The following CLEC16A variants were observed in gnomAD, a reference collection of about 807,000 sequenced individuals.
The protein encoded by CLEC16A is C-type lectin domain containing 16A.
A neutral mutation model predicts 109.5 loss-of-function variants in CLEC16A; 51 were observed. The observed-to-expected ratio is 0.47, with a 90% confidence interval of 0.37 to 0.59. The LOEUF (loss-of-function observed/expected upper bound fraction) is 0.59. Among genes scored for constraint, CLEC16A ranks in the 20% least tolerant of loss-of-function variants. CLEC16A has a pLI of 0.00. For missense variants in CLEC16A, 1,339 were observed against 1,394.0 expected, an observed-to-expected ratio of 0.96 and a Z score of 0.63; for synonymous variants, 673 against 564.2, an observed-to-expected ratio of 1.19 and a Z score of -2.73.
At chr16:11,113,168 C>G (rs573740415) in intron 19 of CLEC16A, among the ~76,000 whole-genome samples, 1 of 152,240 alleles carries the variant, frequency 6.6e-6, no homozygotes, top group Non-Finnish European at 1.5e-5. Context: ...CACGCCATCA[C>G]CTGGTTCTCA....
intron 19 of CLEC16A, among the ~76,000 whole-genome samples, chr16:11,108,837 G>A (rs570782822): frequency 1.6e-4 from 25 of 152,242 alleles, no homozygotes; most frequent in African/African-American, 2.2e-4. Flanking sequence ...TGGGCCGGGC[G>A]CGGTGGCTCA....
chr16:11,049,136 TA>T (rs1406750362), intron 17 of CLEC16A, among the ~76,000 whole-genome samples: 1 of 151,892 alleles, frequency 6.6e-6, no homozygotes, highest in African/African-American at 2.4e-5. Context: ...GCCTCCCGAG[TA>T]GCTGGGATTA....
At chr16:10,962,982 A>G (rs1476449093) in intron 3 of CLEC16A, among the ~76,000 whole-genome samples, 1 of 152,110 alleles carries the variant, frequency 6.6e-6, no homozygotes, top group Admixed American at 6.5e-5. Context: ...TTGTTTGTCA[A>G]GGAAGTCGAG....
At chr16:11,127,024 A>G (rs1012124795) in intron 22 of CLEC16A, among the ~76,000 whole-genome samples, 1 of 152,210 alleles carries the variant, frequency 6.6e-6, no homozygotes, top group Non-Finnish European at 1.5e-5. Context: ...ATAATTCATT[A>G]TTTATATGTA....
chr16:11,141,261 C>T (rs1179457458), intron 22 of CLEC16A, among the ~76,000 whole-genome samples: 1 of 152,262 alleles, frequency 6.6e-6, no homozygotes, highest in East Asian at 1.9e-4. Context: ...CCTGTTGGAG[C>T]CACCATGGAA....
chr16:10,977,540 G>C, intron 8 of CLEC16A, 141 bp downstream of exon 8: 1 of 847,372 alleles, frequency 1.2e-6, no homozygotes, highest in Non-Finnish European at 1.8e-6. Flanking sequence ...AAAAGACGGA[G>C]TTTTGCTCTT....
chr16:11,017,650 A>G (rs2045838686), intron 11 of CLEC16A, among the ~76,000 whole-genome samples: 2 of 152,178 alleles, frequency 1.3e-5, no homozygotes, highest in African/African-American at 4.8e-5. Context: ...ATTAACATCA[A>G]CAGTTATAAG....
At chr16:11,124,366 G>A (rs1254496967) in intron 21 of CLEC16A, among the ~76,000 whole-genome samples, 1 of 152,208 alleles carries the variant, frequency 6.6e-6, no homozygotes, top group Non-Finnish European at 1.5e-5. Context: ...CTTGCCCAAA[G>A]TCACACAGGC....
chr16:10,962,315 GACAAT>G, intron 2 of CLEC16A, 135 bp from the exon 3 acceptor site: 1 of 877,052 alleles, frequency 1.1e-6, no homozygotes, highest in Non-Finnish European at 1.8e-6. Context: ...TGTGGCGGGT[GACAAT>G]GGGTGGCATG....
chr16:11,067,919 CCGT>C (rs2048857948), intron 19 of CLEC16A, among the ~76,000 whole-genome samples: 1 of 152,226 alleles, frequency 6.6e-6, no homozygotes, highest in Admixed American at 6.5e-5. Context: ...GTTCTCCAAA[CCGT>C]CGTACCTTTG....
chr16:11,108,556 C>T (rs957736855), intron 19 of CLEC16A, among the ~76,000 whole-genome samples: 12 of 152,268 alleles, frequency 7.9e-5, no homozygotes, highest in African/African-American at 2.9e-4. Flanking sequence ...GATGAGTGCT[C>T]TCTCTGGCCT....
At chr16:11,144,897 T>G (rs895516097) in intron 22 of CLEC16A, among the ~76,000 whole-genome samples, 1 of 151,974 alleles carries the variant, frequency 6.6e-6, no homozygotes, top group African/African-American at 2.4e-5. Flanking sequence ...AACTGGGAAA[T>G]GGGTTCTGGA....
intron 22 of CLEC16A, among the ~76,000 whole-genome samples, chr16:11,162,188 A>T (rs1359884722): frequency 1.3e-5 from 2 of 152,268 alleles, no homozygotes; most frequent in African/African-American, 4.8e-5. Flanking sequence ...CCAGAGGGCA[A>T]CAGGAAGACT....
At chr16:11,172,550 A>T (rs759425924) in intron 23 of CLEC16A, among the ~76,000 whole-genome samples, 7 of 152,126 alleles carry the variant, frequency 4.6e-5, no homozygotes, top group Non-Finnish European at 7.3e-5. Context: ...ATTTATTTTT[A>T]ATTTGGGGGA....
intron 18 of CLEC16A, among the ~76,000 whole-genome samples, chr16:11,055,605 T>TTTTTTTTTTTTTC (rs1268458004): frequency 3.5e-5 from 5 of 141,336 alleles, no homozygotes; most frequent in African/African-American, 1.1e-4. Context: ...TTTTTTTTTT[T>TTTTTTTTTTTTTC]TGAGACGAGT....
At chr16:11,026,931 G>A (rs547085785) in intron 13 of CLEC16A, 1 of 1,098,506 alleles carries the variant, frequency 9.1e-7, no homozygotes, top group East Asian at 2.4e-5. Flanking sequence ...GCGTGAGCTA[G>A]AACAGACGTC....
intron 12 of CLEC16A, among the ~76,000 whole-genome samples, chr16:11,022,155 C>T (rs1057323606): frequency 2.0e-5 from 3 of 152,058 alleles, no homozygotes; most frequent in African/African-American, 7.2e-5. Context: ...TCCTGGGAAC[C>T]TCCAGGCCAG....
At chr16:11,133,472 C>G (rs1216647460) in intron 22 of CLEC16A, among the ~76,000 whole-genome samples, 1 of 152,148 alleles carries the variant, frequency 6.6e-6, no homozygotes, top group Non-Finnish European at 1.5e-5. Context: ...TTAATAGTTC[C>G]GTGGAAAAGC....
At chr16:11,025,461 G>C (rs1169041516) in intron 13 of CLEC16A, among the ~76,000 whole-genome samples, 1 of 152,144 alleles carries the variant, frequency 6.6e-6, no homozygotes, top group African/African-American at 2.4e-5. Flanking sequence ...GACAGGTTTT[G>C]TTGGGATTCA....
Sources: allele counts gnomAD v4.1 joint callset (sites outside exome capture counted in the v4.1 genomes callset), GRCh38; gene constraint gnomAD v4.1.1; transcripts MANE v1.5; gene names NCBI Gene and HGNC (gene_info 2026-07-23, HGNC 2026-07-21).